Variants in ARMCX4 observed in about 807,000 individuals in gnomAD.
The protein encoded by ARMCX4 is armadillo repeat-containing X-linked protein 4.
ARMCX4 carries 3 observed loss-of-function variants against 34.7 expected under a neutral mutation model. The observed-to-expected ratio is 0.09, with a 90% CI of 0.04 to 0.22. The LOEUF (loss-of-function observed/expected upper bound fraction) is 0.22. Among genes scored for constraint, ARMCX4 ranks in the 10% least tolerant of loss-of-function variants. The pLI is 1.00. For synonymous variants in ARMCX4, 513 were observed against 632.8 expected (o/e 0.81, Z 2.84); for missense variants, 1,448 against 1,720.8 (o/e 0.84, Z 2.81).
intron 2 of ARMCX4, among the ~76,000 whole-genome samples, chrX:101,436,345 T>G (rs373249149): frequency 9.9e-5 from 11 of 110,928 alleles, no homozygotes; most frequent in South Asian, 7.7e-4. Context: ...AGTTCTCCTT[T>G]ACGAGGTCCT....
chrX:101,504,666 G>C (rs187067235), intron 7 of ARMCX4, among the ~76,000 whole-genome samples: 2 of 111,351 alleles, frequency 1.8e-5, no homozygotes, highest in Non-Finnish European at 3.8e-5. Context: ...TTACTCTAGT[G>C]TTGTTGTAGT....
At chrX:101,443,334 C>T (rs1298329819) in intron 2 of ARMCX4, among the ~76,000 whole-genome samples, 1 of 110,733 alleles carries the variant, frequency 9.0e-6, no homozygotes, top group Non-Finnish European at 1.9e-5. Context: ...TGCTCCTCCT[C>T]TCTGGACAAT....
intron 7 of ARMCX4, among the ~76,000 whole-genome samples, chrX:101,501,830 T>C (rs1361667790): frequency 8.9e-6 from 1 of 111,856 alleles, no homozygotes; most frequent in Non-Finnish European, 1.9e-5. Context: ...GAGGTTGCTT[T>C]TTTCATCATC....
rs1324043165 is a variant in ARMCX4 at position 101,495,620 on chromosome X, C to T, written c.*158C>T. 3 of 462,911 alleles carry T rather than the reference C, an allele frequency of 6.5e-6. No individual in the cohort carries two copies. Among genetic ancestry groups the T allele is most frequent in the Non-Finnish European group, 9.9e-6 (3 of 304,509 alleles). 38.1% of individuals were successfully genotyped at this position (462,911 alleles called of 1,213,427 possible). ...AACACCAAATGAATTCAAGCTTGTA[C>T]TAAAAATACATGTGTTGATTTTTAT... On this transcript the variant is annotated 3_prime_UTR_variant, in exon 6 of 6. Transcript: ENST00000423738.
chrX:101,491,424 G>T lies in ARMCX4; in HGVS notation c.2835G>T (p.Met945Ile). Residue 945 changes from methionine (M) to isoleucine (I), a missense_variant, in exon 6 of 6, where the codon ATG becomes ATT. Met to Ile is a conservative substitution (Grantham distance 10). This residue lies in a region of ARMCX4 where 1,343 missense variants were observed against 1,540.7 expected (regional missense o/e 0.87). Coordinates refer to ENST00000423738, the MANE Select transcript of ARMCX4 (RefSeq NM_001256155.3). Reference protein sequence around the residue: ...ISKAEAGAGIMGSVQVQVVAS... With the variant: ...ISKAEAGAGIIGSVQVQVVAS... Reference sequence around the variant, plus strand: ...AGGCAGAGGCTGGGGCAGGCATAATGGGCTCTGTCCAGGTCCAGGTTGTGG... The same window carrying T: ...AGGCAGAGGCTGGGGCAGGCATAATTGGCTCTGTCCAGGTCCAGGTTGTGG... The T allele has an allele frequency of 8.7e-7, 1 of 1,155,974 alleles. No individual in the cohort carries two copies. The highest frequency in any genetic ancestry group is 3.3e-5 in the East Asian group (1 of 30,721).
intron 2 of ARMCX4, among the ~76,000 whole-genome samples, chrX:101,427,812 AG>A (rs1929726212): frequency 9.0e-6 from 1 of 111,541 alleles, no homozygotes; most frequent in Non-Finnish European, 1.9e-5. Context: ...TTCATTCCTA[AG>A]GGAATGAATC....
In ARMCX4 at chrX:101,457,678, C is replaced by T. The variant is rs181301679; in HGVS notation, c.-473+11634C>T. Among the ~76,000 whole-genome samples the T allele has an allele frequency of 7.0e-3, 778 of 111,010 alleles. 5 individuals carry two copies. Among genetic ancestry groups the T allele is most frequent in the African/African-American group, 0.024 (749 of 30,655 alleles). On this transcript the variant is annotated intron_variant and NMD_transcript_variant, in intron 4 of 15. Transcript: ENST00000433011. ...TGGAGGCTGCAGTGAGCCGAGATCG[C>T]GCCATTGCACTCCAGCCTGGGCAAC...
At chrX:101,420,988 G>A (rs1398475994) in intron 2 of ARMCX4, among the ~76,000 whole-genome samples, 1 of 110,922 alleles carries the variant, frequency 9.0e-6, no homozygotes, top group African/African-American at 3.3e-5. Flanking sequence ...ACCTGAGGTC[G>A]GGCATTCGAG....
intron 11 of ARMCX4, among the ~76,000 whole-genome samples, chrX:101,513,465 A>G (rs189791149): frequency 8.9e-6 from 1 of 112,093 alleles, no homozygotes; most frequent in African/African-American, 3.2e-5. Context: ...CAATGTTTAC[A>G]CTTCTCCTTG....
chrX:101,452,879 A>ATTATTATTG (rs1932069417), intron 4 of ARMCX4, among the ~76,000 whole-genome samples: 1 of 108,206 alleles, frequency 9.2e-6, no homozygotes, highest in South Asian at 4.0e-4. Context: ...TATTATTATT[A>ATTATTATTG]TTATTATTAT....
chrX:101,473,144 C>A (rs1245357362), intron 4 of ARMCX4, among the ~76,000 whole-genome samples: 2 of 110,934 alleles, frequency 1.8e-5, no homozygotes, highest in African/African-American at 6.6e-5. Context: ...CAAAAAGAGG[C>A]AGGGGTTGCG....
intron 2 of ARMCX4, among the ~76,000 whole-genome samples, chrX:101,420,909 C>T (rs1555989940): frequency 8.9e-6 from 1 of 111,964 alleles, no homozygotes; most frequent in East Asian, 2.8e-4. Context: ...GAAAATATTG[C>T]CCTGGGGGCC....
intron 2 of ARMCX4, among the ~76,000 whole-genome samples, chrX:101,430,181 T>C (rs782817956): frequency 1.8e-5 from 2 of 112,602 alleles, no homozygotes; most frequent in African/African-American, 3.2e-5. Context: ...TCCTACTACA[T>C]AGAAATAACA....
chrX:101,497,600 A>G (rs1363629865), downstream of ARMCX4, among the ~76,000 whole-genome samples: 2 of 111,566 alleles, frequency 1.8e-5, no homozygotes, highest in African/African-American at 6.5e-5. Context: ...TTTATGCATA[A>G]TTTACCAACA....
At chrX:101,515,257 T>C (rs1289679474) in intron 11 of ARMCX4, among the ~76,000 whole-genome samples, 1 of 111,130 alleles carries the variant, frequency 9.0e-6, no homozygotes, top group Admixed American at 9.5e-5. Flanking sequence ...TGATTAGGAG[T>C]ATCCAGTGAT....
upstream of ARMCX4, among the ~76,000 whole-genome samples, chrX:101,481,651 C>T (rs1353184355): frequency 9.0e-6 from 1 of 111,476 alleles, no homozygotes; most frequent in Non-Finnish European, 1.9e-5. Flanking sequence ...TATCCATTAA[C>T]TATATAAAAT....
intron 8 of ARMCX4, among the ~76,000 whole-genome samples, chrX:101,508,876 T>C (rs1230711322): frequency 9.0e-6 from 1 of 111,716 alleles, no homozygotes; most frequent in Non-Finnish European, 1.9e-5. Flanking sequence ...ATCATACATT[T>C]CTACATTTCT....
At chrX:101,510,537 T>A (rs1452979346) in intron 10 of ARMCX4, among the ~76,000 whole-genome samples, 2 of 111,585 alleles carry the variant, frequency 1.8e-5, no homozygotes, top group East Asian at 5.6e-4. Context: ...CTATTTTTGG[T>A]CTTATTTTCA....
At chrX:101,521,796 A>G (rs1233857009) in intron 11 of ARMCX4, among the ~76,000 whole-genome samples, 7 of 111,363 alleles carry the variant, frequency 6.3e-5, no homozygotes, top group Non-Finnish European at 1.9e-5. Context: ...CATATGTTTA[A>G]TTTGCACATA....
Sources: allele counts gnomAD v4.1 joint callset (sites outside exome capture counted in the v4.1 genomes callset), GRCh38; gene constraint gnomAD v4.1.1; regional missense constraint gnomAD v4.1.1; transcripts MANE v1.5; gene names NCBI Gene and HGNC (gene_info 2026-07-23, HGNC 2026-07-21).